THNSL2: variants seen among roughly 807,000 people sequenced by gnomAD.
THNSL2 encodes threonine synthase-like 2.
In THNSL2, 34 loss-of-function variants were observed where a neutral mutation model predicts 40.0. That is an observed-to-expected ratio of 0.85 (90% confidence interval 0.65 to 1.13). The LOEUF is 1.13. Ranked by LOEUF, THNSL2 falls within the 50% of genes most tolerant of loss-of-function variation. The pLI is 0.00. For synonymous variants in THNSL2, 241 were observed against 247.5 expected (o/e 0.97, Z 0.25); for missense variants, 537 against 608.8 (o/e 0.88, Z 1.24).
chr2:88,186,242 G>A lies in THNSL2; in HGVS notation c.*119G>A. The A allele has an allele frequency of 2.0e-6, 2 of 1,020,912 alleles. No homozygotes were observed. Among genetic ancestry groups the A allele is most frequent in the Non-Finnish European group, 2.9e-6 (2 of 687,394 alleles). The allele number at this position is 1,020,912 out of a possible 1,614,324, so 63.2% of individuals were successfully genotyped here. A position where few individuals can be genotyped will look rare whatever the true frequency, so the allele number is the denominator to read the frequency against. On this transcript the variant is annotated 3_prime_UTR_variant, in exon 9 of 9. Transcript: ENST00000674334. ...GAGGTTTCCGGGAGGCTGCTCAGCT[G>A]GATCTGGAGCCAGCTGGCTTTGCTC...
chr2:88,179,658 CATTAAA>C, intron 5 of THNSL2, among the ~76,000 whole-genome samples: 1 of 152,318 alleles, frequency 6.6e-6, no homozygotes, highest in South Asian at 2.1e-4. Context: ...AGCTGTGTAG[CATTAAA>C]ATCATTTTCT....
chr2:88,179,134 G>A, intron 5 of THNSL2, 121 bp downstream of exon 5: 1 of 1,017,788 alleles, frequency 9.8e-7, no homozygotes, highest in African/African-American at 1.6e-5. Flanking sequence ...TTCTGAAGGT[G>A]ATGGGAAACC....
intron 1 of THNSL2, among the ~76,000 whole-genome samples, chr2:88,170,855 GT>G (rs1443770206): frequency 6.6e-6 from 1 of 150,766 alleles, no homozygotes; most frequent in African/African-American, 2.4e-5. Context: ...GGCTCCTGGG[GT>G]CCGAGTCTCC....
chr2:88,173,207 C>A lies in THNSL2; in HGVS notation c.57C>A (p.Leu19=), dbSNP rs1256371195. The A allele has an allele frequency of 1.9e-6, 3 of 1,608,590 alleles. No individual in the cohort carries two copies. The highest frequency in any genetic ancestry group is 2.5e-6 in the Non-Finnish European group (3 of 1,177,634). The part of the protein sequence containing the change: ...VAPRVNFEGA[L]FSGYAPDGGL... ...CACGGGTCAACTTTGAGGGGGCCCT[C>A]TTCTCTGGCTATGCACCTGACGGGG... Residue 19 remains leucine (L), a synonymous_variant, in exon 2 of 9, where the codon CTC becomes CTA. Transcript: ENST00000674334.
chr2:88,184,069 A>T (rs1224612205), intron 7 of THNSL2, among the ~76,000 whole-genome samples: 1 of 152,244 alleles, frequency 6.6e-6, no homozygotes, highest in Non-Finnish European at 1.5e-5. Flanking sequence ...TTGCAAGGTC[A>T]ATATCCACCT....
chr2:88,174,964 T>G, intron 3 of THNSL2, 131 bp downstream of exon 3: 1 of 1,143,050 alleles, frequency 8.7e-7, no homozygotes, highest in South Asian at 1.6e-5. Flanking sequence ...TCCTAACATT[T>G]TCTGGTGCCA....
At position 88,186,305 on chromosome 2, in the gene THNSL2, C is replaced by T; in HGVS notation, c.*182C>T. On this transcript the variant is annotated 3_prime_UTR_variant, in exon 9 of 9. Coordinates refer to ENST00000674334, the MANE Select transcript of THNSL2 (RefSeq NM_018271.5). ...AGTCTGTGCCTGGTCACCAGGGAGG[C>T]TGAGTGAGGGGCTGTGAACAGTTGC... is the stretch of plus-strand genomic sequence containing the variant. 1.6e-6 allele frequency: 1 copy of T among 641,192 alleles called. No homozygotes were observed. The highest frequency in any genetic ancestry group is 1.9e-5 in the South Asian group (1 of 52,684). 39.7% of individuals were successfully genotyped at this position (641,192 alleles called of 1,614,324 possible).
chr2:88,174,071 C>T (rs936323941), intron 2 of THNSL2, among the ~76,000 whole-genome samples: 1 of 152,158 alleles, frequency 6.6e-6, no homozygotes, highest in Non-Finnish European at 1.5e-5. Context: ...TGTTGGAAAT[C>T]CGAGATTGCC....
In THNSL2 at chr2:88,185,479, G is replaced by A. The variant is rs756824749; in HGVS notation, c.1229G>A (p.Ser410Asn). The A allele has an allele frequency of 1.9e-6, 3 of 1,604,810 alleles. No homozygotes were observed. The Admixed American group carries it at 5.1e-5, about 27-fold the overall frequency. ...HYQQIDRQQP[S>N]TPRCCLAPAS... is the part of the protein sequence containing the mutation. ...CAGCAGATAGACAGGCAGCAGCCCA[G>A]GTACAGGCAATGGGGGCCTGGGCCA... Residue 410 changes from serine to asparagine, a missense_variant and splice_region_variant, in exon 8 of 9, where the codon AGC (serine) becomes AAC (asparagine). Physicochemically the swap from Ser to Asn is conservative, Grantham distance 46 (BLOSUM62 1). Transcript: ENST00000674334.
chr2:88,177,752 T>G (rs1677091313), intron 4 of THNSL2, among the ~76,000 whole-genome samples: 1 of 152,060 alleles, frequency 6.6e-6, no homozygotes, highest in South Asian at 2.1e-4. Context: ...TTTAAAGCAG[T>G]GAATCTTTTT....
chr2:88,183,989 T>C (rs1027825277), intron 7 of THNSL2, among the ~76,000 whole-genome samples: 1 of 152,214 alleles, frequency 6.6e-6, no homozygotes, highest in Admixed American at 6.5e-5. Context: ...GTGTTTCCAG[T>C]ATTTAGAGAA....
At chr2:88,182,504 T>C in intron 5 of THNSL2, 195 bp from the exon 6 acceptor site, 1 of 505,112 alleles carries the variant, frequency 2.0e-6, no homozygotes, top group Non-Finnish European at 3.4e-6. Flanking sequence ...TGGATACAAA[T>C]CCCTTATCAG....
rs761043283 is a variant in THNSL2, at chr2:88,185,327, G to A, written c.1078-1G>A. 2 of 1,612,340 alleles carry A rather than the reference G, an allele frequency of 1.2e-6. No individual in the cohort carries two copies. The highest frequency in any genetic ancestry group is 3.3e-5 in the Admixed American group (2 of 59,834). Reference sequence around the variant, plus strand: ...CATCTTTCTGACCTGGGACCCTTCAGCTTTCAGAGGCAGTGACATCCGTGT... The same window carrying A: ...CATCTTTCTGACCTGGGACCCTTCAACTTTCAGAGGCAGTGACATCCGTGT... On this transcript the variant is annotated splice_acceptor_variant, in intron 7 of 8. Transcript: ENST00000674334. LOFTEE classifies it high-confidence loss of function.
intron 4 of THNSL2, chr2:88,176,228 G>A (rs1255760187): frequency 1.3e-5 from 2 of 152,216 alleles, no homozygotes; most frequent in East Asian, 1.9e-4. Flanking sequence ...CCCACCATTG[G>A]TTATACTGCT....
chr2:88,170,558 C>T (rs1676254175), intron 1 of THNSL2, 102 bp downstream of exon 1: 1 of 152,310 alleles, frequency 6.6e-6, no homozygotes, highest in Non-Finnish European at 1.5e-5. Flanking sequence ...TCCCGCAGGC[C>T]CACGTCCGTC....
At chr2:88,171,310 A>C (rs1287980226) in intron 1 of THNSL2, 5 of 456,526 alleles carry the variant, frequency 1.1e-5, no homozygotes, top group Admixed American at 7.0e-5. Flanking sequence ...GGGCATGGGT[A>C]TGTGCTCATC....
intron 2 of THNSL2, among the ~76,000 whole-genome samples, chr2:88,173,935 T>G (rs1179428070): frequency 6.6e-6 from 1 of 152,186 alleles, no homozygotes; most frequent in East Asian, 1.9e-4. Context: ...TACTGGTCCA[T>G]GAGCCACACT....
chr2:88,183,693 G>T (rs1324312135), intron 7 of THNSL2: 1 of 150,728 alleles, frequency 6.6e-6, no homozygotes, highest in Non-Finnish European at 1.5e-5. Flanking sequence ...CTTGGAAAAG[G>T]AGAAATTTTA....
intron 1 of THNSL2, 121 bp downstream of exon 1, chr2:88,170,577 C>G (rs1257968032): frequency 6.6e-6 from 1 of 152,260 alleles, no homozygotes; most frequent in East Asian, 1.9e-4. Context: ...TCGCCCCGCC[C>G]GTTTCTGGAA....
Sources: gnomAD v4.1 joint callset for allele counts (sites outside exome capture counted in the v4.1 genomes callset) on GRCh38, gnomAD v4.1.1 for gene constraint, MANE v1.5 for transcripts, NCBI Gene and HGNC (gene_info 2026-07-23, HGNC 2026-07-21) for gene names.